The following BMAL2 variants were observed in gnomAD, a reference collection of about 807,000 sequenced individuals.
BMAL2 encodes the protein basic helix-loop-helix ARNT-like protein 2.
the BMAL2 span, among the ~76,000 whole-genome samples, chr12:27,408,022 A>T: frequency 1.3e-5 from 2 of 152,154 alleles, no homozygotes. Flanking sequence ...TGACACATAC[A>T]GCCTCCCAAG....
the BMAL2 span, among the ~76,000 whole-genome samples, chr12:27,386,328 A>T: frequency 3.9e-5 from 6 of 152,030 alleles, no homozygotes; most frequent in Admixed American, 3.9e-4. Context: ...CCTTCATGGA[A>T]CCCTGCTTCT....
the BMAL2 span, among the ~76,000 whole-genome samples, chr12:27,333,288 C>A: frequency 6.6e-6 from 1 of 151,786 alleles, no homozygotes; most frequent in African/African-American, 2.4e-5. Context: ...GGCACAGGTG[C>A]GGCGCGGCGC....
At chr12:27,344,901 C>T in the BMAL2 span, among the ~76,000 whole-genome samples, 1 of 152,140 alleles carries the variant, frequency 6.6e-6, no homozygotes, top group African/African-American at 2.4e-5. Context: ...TGTCAGGAAT[C>T]AGTAAAAGAT....
chr12:27,414,161 C>T, the BMAL2 span, among the ~76,000 whole-genome samples: 2 of 152,208 alleles, frequency 1.3e-5, no homozygotes, highest in African/African-American at 2.4e-5. Flanking sequence ...ATGCACTCAA[C>T]ACTTGAACAC....
At chr12:27,352,886 T>C in the BMAL2 span, among the ~76,000 whole-genome samples, 11 of 152,298 alleles carry the variant, frequency 7.2e-5, no homozygotes, top group East Asian at 2.1e-3. Context: ...GTGAAACATC[T>C]GTACAAAGAG....
At chr12:27,375,481 A>T in the BMAL2 span, among the ~76,000 whole-genome samples, 6 of 152,212 alleles carry the variant, frequency 3.9e-5, no homozygotes, top group Non-Finnish European at 7.4e-5. Flanking sequence ...TCTGAGTTTT[A>T]TTTATTATAC....
At chr12:27,404,211 A>AT in the BMAL2 span, among the ~76,000 whole-genome samples, 1 of 131,846 alleles carries the variant, frequency 7.6e-6, no homozygotes, top group African/African-American at 2.9e-5. Context: ...AAATACCACC[A>AT]TGCATTTTTT....
the BMAL2 span, among the ~76,000 whole-genome samples, chr12:27,380,081 G>A: frequency 6.6e-6 from 1 of 152,162 alleles, no homozygotes; most frequent in Non-Finnish European, 1.5e-5. Flanking sequence ...GCTGTTCCTG[G>A]TCTCAGCAGC....
At chr12:27,386,237 A>G in the BMAL2 span, among the ~76,000 whole-genome samples, 2 of 152,210 alleles carry the variant, frequency 1.3e-5, no homozygotes, top group African/African-American at 4.8e-5. Flanking sequence ...TTGTGTGGAT[A>G]AAAAGGATTT....
chr12:27,366,809 G>A, the BMAL2 span, among the ~76,000 whole-genome samples: 1 of 152,156 alleles, frequency 6.6e-6, no homozygotes, highest in Admixed American at 6.5e-5. Context: ...TCTAACAATA[G>A]GAGAGTGGTT....
chr12:27,344,357 C>T, the BMAL2 span, among the ~76,000 whole-genome samples: 4 of 152,280 alleles, frequency 2.6e-5, no homozygotes, highest in East Asian at 7.7e-4. Context: ...AGGTCTTTCA[C>T]CTAATGATTG....
At chr12:27,363,944 T>G in the BMAL2 span, among the ~76,000 whole-genome samples, 2 of 152,184 alleles carry the variant, frequency 1.3e-5, no homozygotes, top group Non-Finnish European at 2.9e-5. Context: ...ACAAAACACC[T>G]TAGGCTGGGT....
At chr12:27,380,252 C>T in the BMAL2 span, 1 of 1,613,970 alleles carries the variant, frequency 6.2e-7, no homozygotes, top group South Asian at 1.1e-5. Flanking sequence ...CTTAGAGAAG[C>T]TCATAGCCAA....
chr12:27,405,004 G>A, the BMAL2 span, among the ~76,000 whole-genome samples: 2 of 149,506 alleles, frequency 1.3e-5, no homozygotes, highest in African/African-American at 4.9e-5. Context: ...CTCATTGCTA[G>A]CACAGCAGTC....
chr12:27,342,164 C>T, the BMAL2 span, among the ~76,000 whole-genome samples: 2 of 152,272 alleles, frequency 1.3e-5, no homozygotes, highest in African/African-American at 4.8e-5. Flanking sequence ...TCTCGAACTC[C>T]AAGCCTCAAG....
the BMAL2 span, chr12:27,377,528 G>T: frequency 6.6e-6 from 1 of 152,154 alleles, no homozygotes; most frequent in Admixed American, 6.5e-5. Context: ...TGCTGATGGG[G>T]AATACTGTTA....
At chr12:27,410,864 G>A in the BMAL2 span, among the ~76,000 whole-genome samples, 1 of 151,920 alleles carries the variant, frequency 6.6e-6, no homozygotes, top group African/African-American at 2.4e-5. Flanking sequence ...TCCAGAATTT[G>A]TAAATAAAAA....
chr12:27,380,359 C>A, the BMAL2 span: 258 of 1,614,034 alleles, frequency 1.6e-4, 3 homozygotes, highest in Admixed American at 4.2e-3. Context: ...ACTGGACAAA[C>A]TTACAGTTTT....
the BMAL2 span, chr12:27,415,729 T>C: frequency 5.3e-5 from 34 of 641,368 alleles, no homozygotes; most frequent in Admixed American, 2.8e-4. Flanking sequence ...AGTAAGTCAG[T>C]CTAATTGTGA....
Sources: gnomAD v4.1 joint callset for allele counts (sites outside exome capture counted in the v4.1 genomes callset) on GRCh38, gnomAD v4.1.1 for gene constraint, MANE v1.5 for transcripts, NCBI Gene and HGNC (gene_info 2026-07-23, HGNC 2026-07-21) for gene names.